Variants in KCNIP3 observed in about 807,000 individuals in gnomAD.
KCNIP3 encodes the protein potassium voltage-gated channel interacting protein 3, also known as calsenilin.
A neutral mutation model predicts 35.0 loss-of-function variants in KCNIP3; 28 were observed. The ratio of observed to expected loss-of-function variants is 0.80; its 90% confidence interval spans 0.59 to 1.10. The LOEUF is 1.10. Among genes scored for constraint, KCNIP3 ranks in the 50% least tolerant of loss-of-function variants. The probability of loss-of-function intolerance (pLI) is 0.00; values close to 1 mark genes in which losing one functional copy is unlikely to be tolerated. For missense variants in KCNIP3, 295 were observed against 338.4 expected (o/e 0.87, Z 1.01); for synonymous variants, 134 against 133.8 (o/e 1.00, Z -0.01).
chr2:95,356,671 T>G (rs1005366359), intron 2 of KCNIP3, among the ~76,000 whole-genome samples: 18 of 152,178 alleles, frequency 1.2e-4, no homozygotes, highest in Non-Finnish European at 2.1e-4. Context: ...ATGTGTGGTG[T>G]TATTTCTGAG....
chr2:95,327,041 G>A (rs898671416), intron 2 of KCNIP3, among the ~76,000 whole-genome samples: 10 of 152,164 alleles, frequency 6.6e-5, no homozygotes, highest in African/African-American at 2.2e-4. Flanking sequence ...CAGATTGCAC[G>A]GGACAAGTCA....
intron 2 of KCNIP3, among the ~76,000 whole-genome samples, chr2:95,331,462 G>A (rs1187367048): frequency 1.3e-5 from 2 of 152,126 alleles, no homozygotes; most frequent in Non-Finnish European, 2.9e-5. Flanking sequence ...GGATCTGCAA[G>A]GGTTGGAAGT....
At chr2:95,362,341 G>A (rs1320476577) in intron 2 of KCNIP3, among the ~76,000 whole-genome samples, 1 of 152,048 alleles carries the variant, frequency 6.6e-6, no homozygotes, top group African/African-American at 2.4e-5. Context: ...CCCGACCTCA[G>A]GTGATCCGCC....
chr2:95,356,913 T>C (rs1224357012), intron 2 of KCNIP3, among the ~76,000 whole-genome samples: 2 of 152,202 alleles, frequency 1.3e-5, no homozygotes, highest in Non-Finnish European at 2.9e-5. Context: ...GGAAGATGCA[T>C]GTGGCCCACA....
chr2:95,321,160 A>C (rs1573488099), intron 2 of KCNIP3, among the ~76,000 whole-genome samples: 3 of 143,246 alleles, frequency 2.1e-5, no homozygotes, highest in Non-Finnish European at 3.0e-5. Context: ...CCTCCCCGGC[A>C]CCCCCAGCCT....
chr2:95,310,226 A>G, intron 1 of KCNIP3, 129 bp from the exon 2 acceptor site: 5 of 1,088,414 alleles, frequency 4.6e-6, no homozygotes, highest in Non-Finnish European at 7.0e-6. Flanking sequence ...CTAGGCATGC[A>G]GCCCCGGAAG....
chr2:95,345,298 G>A (rs1223253297), intron 2 of KCNIP3, among the ~76,000 whole-genome samples: 1 of 152,224 alleles, frequency 6.6e-6, no homozygotes, highest in Admixed American at 6.5e-5. Context: ...CTCTAGCCTA[G>A]GTTTCCTCCC....
intron 2 of KCNIP3, among the ~76,000 whole-genome samples, chr2:95,357,479 C>T (rs752751070): frequency 1.3e-5 from 2 of 152,068 alleles, no homozygotes; most frequent in Non-Finnish European, 2.9e-5. Flanking sequence ...GGGCTAACTG[C>T]GCCTCTGAGG....
intron 2 of KCNIP3, among the ~76,000 whole-genome samples, chr2:95,348,932 C>T (rs1315224981): frequency 6.6e-6 from 1 of 152,180 alleles, no homozygotes; most frequent in Non-Finnish European, 1.5e-5. Context: ...CTCCCTAGGG[C>T]TGTGGCAGGC....
chr2:95,362,469 G>A (rs1573513179), intron 2 of KCNIP3, among the ~76,000 whole-genome samples: 1 of 152,250 alleles, frequency 6.6e-6, no homozygotes, highest in South Asian at 2.1e-4. Context: ...GTGACCCCAC[G>A]TAACCTTGGT....
At chr2:95,339,749 C>T (rs1679148303) in intron 2 of KCNIP3, among the ~76,000 whole-genome samples, 1 of 152,232 alleles carries the variant, frequency 6.6e-6, no homozygotes, top group Non-Finnish European at 1.5e-5. Context: ...GTATCTCCAT[C>T]TCTCTTTCCA....
chr2:95,381,746 C>A, intron 6 of KCNIP3, 43 bp downstream of exon 6: 2 of 1,312,200 alleles, frequency 1.5e-6, no homozygotes, highest in Non-Finnish European at 2.2e-6. Context: ...TCCTCCCCTC[C>A]TGCTGCTCCA....
chr2:95,335,219 A>G (rs1679031774), intron 2 of KCNIP3, among the ~76,000 whole-genome samples: 1 of 152,262 alleles, frequency 6.6e-6, no homozygotes, highest in Non-Finnish European at 1.5e-5. Flanking sequence ...TGTGGTTCCC[A>G]CATGGGAAAT....
intron 2 of KCNIP3, among the ~76,000 whole-genome samples, chr2:95,367,228 A>G (rs1255938502): frequency 6.6e-6 from 1 of 152,180 alleles, no homozygotes; most frequent in Non-Finnish European, 1.5e-5. Flanking sequence ...AGCTGAGATC[A>G]TGCCACTGCA....
At chr2:95,371,161 G>A (rs1382748443) in intron 2 of KCNIP3, among the ~76,000 whole-genome samples, 5 of 152,072 alleles carry the variant, frequency 3.3e-5, no homozygotes, top group Admixed American at 3.3e-4. Context: ...CTGACTCTTA[G>A]ATCTAGAAGC....
chr2:95,337,520 T>C (rs1410320581), intron 2 of KCNIP3, among the ~76,000 whole-genome samples: 1 of 152,216 alleles, frequency 6.6e-6, no homozygotes, highest in Non-Finnish European at 1.5e-5. Flanking sequence ...ATAAGATGAA[T>C]CCTTTCTCTG....
At chr2:95,323,971 C>G (rs1345386068) in intron 2 of KCNIP3, among the ~76,000 whole-genome samples, 1 of 152,154 alleles carries the variant, frequency 6.6e-6, no homozygotes, top group Non-Finnish European at 1.5e-5. Context: ...CTGCAGGTGC[C>G]TCATCCACAC....
chr2:95,343,587 G>A (rs1679271294), intron 2 of KCNIP3, among the ~76,000 whole-genome samples: 2 of 152,138 alleles, frequency 1.3e-5, no homozygotes, highest in African/African-American at 4.8e-5. Flanking sequence ...CAGCTAGGTG[G>A]TCAGGAACAG....
At chr2:95,305,104 CT>C (rs1435125463) in intron 1 of KCNIP3, among the ~76,000 whole-genome samples, 1 of 152,158 alleles carries the variant, frequency 6.6e-6, no homozygotes, top group African/African-American at 2.4e-5. Flanking sequence ...TCACTCGTCT[CT>C]GCCACTCAAC....
Sources: allele counts gnomAD v4.1 joint callset (sites outside exome capture counted in the v4.1 genomes callset), GRCh38; gene constraint gnomAD v4.1.1; transcripts MANE v1.5; gene names NCBI Gene and HGNC (gene_info 2026-07-23, HGNC 2026-07-21).